The following SEZ6 variants were observed in gnomAD, a reference collection of about 807,000 sequenced individuals.
SEZ6 encodes seizure related 6 homolog.
Under a neutral mutation model 101.0 loss-of-function variants are expected in SEZ6, and 53 were observed. The ratio of observed to expected loss-of-function variants is 0.52; its 90% CI spans 0.42 to 0.66. The LOEUF is 0.66. Among genes scored for constraint, SEZ6 ranks in the 30% least tolerant of loss-of-function variants. SEZ6 has a pLI of 0.00. For synonymous variants in SEZ6, 488 were observed against 512.2 expected, an observed-to-expected ratio of 0.95 and a Z score of 0.64; for missense variants, 1,102 against 1,289.4, an observed-to-expected ratio of 0.85 and a Z score of 2.23.
At chr17:28,964,525 A>G (rs2041032683) in intron 4 of SEZ6, among the ~76,000 whole-genome samples, 2 of 152,216 alleles carry the variant, frequency 1.3e-5, no homozygotes, top group Admixed American at 6.5e-5. Context: ...CTAGCTTGGT[A>G]TCTCTGGTAC....
At chr17:28,966,902 G>T (rs2041078481) in intron 4 of SEZ6, among the ~76,000 whole-genome samples, 1 of 152,190 alleles carries the variant, frequency 6.6e-6, no homozygotes, top group African/African-American at 2.4e-5. Flanking sequence ...TGGGGCTCTG[G>T]AGAGAATGGT....
intron 2 of SEZ6, among the ~76,000 whole-genome samples, chr17:28,980,742 G>A (rs912397070): frequency 1.3e-5 from 2 of 152,136 alleles, no homozygotes; most frequent in Non-Finnish European, 2.9e-5. Context: ...GATGTCAGGT[G>A]ATCCACCTGC....
In SEZ6 at chr17:28,964,098, C is replaced by A; in HGVS notation, c.1104G>T (p.Val368=). 1 of 1,605,050 alleles carries A rather than the reference C, an allele frequency of 6.2e-7. No individual in the cohort carries two copies. The highest frequency in any genetic ancestry group is 8.5e-7 in the Non-Finnish European group (1 of 1,175,750). ...CCCCTGGGTGGAGGCTGGTGACAGT[C>A]ACATCTCCATAAGCTGGACGACGGG... ...HFPRRPAYGD[V]TVTSLHPGGS... is the part of the protein sequence containing the mutation. Residue 368 remains valine (V), a synonymous_variant, in exon 5 of 17, where the codon GTG becomes GTT. Transcript: ENST00000317338.
At chr17:28,994,521 G>C (rs531104358) in intron 1 of SEZ6, among the ~76,000 whole-genome samples, 1 of 152,084 alleles carries the variant, frequency 6.6e-6, no homozygotes, top group Non-Finnish European at 1.5e-5. Flanking sequence ...TGATCCGCCC[G>C]CCTCAGCCTC....
rs754586971 is a variant in SEZ6, at chr17:28,956,216, G to A, written c.2895C>T (p.Arg965=). 91 of 546,170 alleles carry A rather than the reference G, an allele frequency of 1.7e-4. 1 individual carries two copies. The highest frequency in any genetic ancestry group is 1.1e-3 in the Middle Eastern group (3 of 2,706). 33.8% of individuals were successfully genotyped at this position (546,170 alleles called of 1,614,324 possible). A position where few individuals can be genotyped will look rare whatever the true frequency, so the allele number is the denominator to read the frequency against. The stretch of plus-strand genomic sequence containing the variant: ...ACTCTATGGTAATGCGGTTGTAGGG[G>A]CGGGGGCGGGGGCGGGGCAGCTGCA... The part of the protein sequence containing the change: ...SSLQLPRPRP[R]PYNRITIESA... Residue 965 remains arginine, a synonymous_variant, in exon 16 of 17, where the codon CGC becomes CGT. Coordinates refer to ENST00000317338, the MANE Select transcript of SEZ6 (RefSeq NM_178860.5).
intron 1 of SEZ6, among the ~76,000 whole-genome samples, chr17:28,995,753 C>T (rs1485929765): frequency 2.0e-5 from 3 of 152,190 alleles, no homozygotes; most frequent in Admixed American, 6.5e-5. Context: ...AGAGCAGCTG[C>T]AGCTGGTGGT....
chr17:28,963,990 G>C lies in SEZ6; in HGVS notation c.1212C>G (p.Phe404Leu). 1 of 1,612,370 alleles carries C rather than the reference G, an allele frequency of 6.2e-7. No individual in the cohort carries two copies. The highest frequency in any genetic ancestry group is 8.5e-7 in the Non-Finnish European group (1 of 1,179,216). The change falls in exon 5 of 17, where the codon TTC (phenylalanine) becomes TTG (leucine). Residue 404 changes from phenylalanine (F) to leucine (L), a missense_variant. Phe to Leu is a conservative substitution (Grantham distance 22). Transcript: ENST00000317338. ...HLTCLNATQP[F>L]WDSKEPVCIA... is the part of the protein sequence containing the mutation. ...TGCAGACGGGCTCCTTTGAATCCCAGAAGGGCTGGGTGGCATTGAGACAGG... is the reference window on the plus strand; with the variant it reads ...TGCAGACGGGCTCCTTTGAATCCCACAAGGGCTGGGTGGCATTGAGACAGG...
intron 1 of SEZ6, among the ~76,000 whole-genome samples, chr17:28,998,634 C>G (rs1158218178): frequency 6.6e-6 from 1 of 152,074 alleles, no homozygotes; most frequent in Non-Finnish European, 1.5e-5. Context: ...ACCAGAAGTC[C>G]CCCCTACCCC....
In SEZ6 at chr17:29,005,795, C is replaced by T. The variant is rs2041681342; in HGVS notation, c.55+20G>A. ...CCCGCTCCCGCCCCCGTCCTGCCGC[C>T]GGATGCCGGGGTCCCTTACCGTGAG... On this transcript the variant is annotated intron_variant, in intron 1 of 16. Coordinates refer to ENST00000317338, the MANE Select transcript of SEZ6 (RefSeq NM_178860.5). The surrounding 1 kb of genome is among the most constrained non-coding windows in gnomAD (Gnocchi z 4.8). The T allele has an allele frequency of 6.7e-7, 1 of 1,481,900 alleles. No individual in the cohort carries two copies. The highest frequency in any genetic ancestry group is 9.0e-7 in the Non-Finnish European group (1 of 1,116,126). The allele number at this position is 1,481,900 out of a possible 1,614,324, so 91.8% of individuals were successfully genotyped here.
At chr17:28,957,756 T>C in intron 11 of SEZ6, 191 bp downstream of exon 11, 2 of 844,300 alleles carry the variant, frequency 2.4e-6, no homozygotes, top group South Asian at 3.7e-5. Flanking sequence ...AGGAATGAAA[T>C]ACTTAGAGTA....
intron 1 of SEZ6, among the ~76,000 whole-genome samples, chr17:28,996,310 A>G (rs1029464342): frequency 1.3e-5 from 2 of 152,006 alleles, no homozygotes; most frequent in African/African-American, 4.8e-5. Flanking sequence ...GGCAGGCAGG[A>G]GGAATGAGCT....
At chr17:29,000,869 A>G (rs550521848) in intron 1 of SEZ6, among the ~76,000 whole-genome samples, 2 of 152,244 alleles carry the variant, frequency 1.3e-5, no homozygotes, top group East Asian at 3.9e-4. Context: ...ACCTCTGCCA[A>G]TACCCACCTG....
rs562051189 is a variant in SEZ6, at chr17:28,984,324, G to A, written c.56-2285C>T. Among the ~76,000 whole-genome samples, 10 of 152,318 alleles carry A rather than the reference G, an allele frequency of 6.6e-5. No homozygotes were observed. In the South Asian group the frequency reaches 1.2e-3, roughly 19 times the overall value. On this transcript the variant is annotated intron_variant, in intron 1 of 16. Transcript: ENST00000317338. ...AAGCTGAGACTGATTCTAGCATGGC[G>A]CAAGGAAGGGGGGCTTTTCTAATCA...
rs1383292437 is a variant in SEZ6, at chr17:28,957,423, C to CCGT, written c.2418_2419insACG (p.Met806_Gly807insThr). ...TCATGGCAGGTGAGGATGGAGCTGC[C>CCGT]CATCAGCACAAAACCCTGGTCACAG... On this transcript the variant is annotated inframe_insertion, in exon 12 of 17. Transcript: ENST00000317338. 1 of 1,613,658 alleles carries CCGT rather than the reference C, an allele frequency of 6.2e-7. No individual in the cohort carries two copies. The highest frequency in any genetic ancestry group is 8.5e-7 in the Non-Finnish European group (1 of 1,179,732).
At chr17:28,958,268 G>A (rs1481429054) in intron 10 of SEZ6, 127 bp from the exon 11 acceptor site, 2 of 1,076,702 alleles carry the variant, frequency 1.9e-6, no homozygotes, top group African/African-American at 1.6e-5. Context: ...CGGGCTCAGG[G>A]ATCCATTCCT....
chr17:29,002,995 A>G (rs1451153313), intron 1 of SEZ6, among the ~76,000 whole-genome samples: 1 of 152,028 alleles, frequency 6.6e-6, no homozygotes, highest in Non-Finnish European at 1.5e-5. Context: ...AGAGAGGTGG[A>G]GCAGCAGGTC....
At chr17:28,986,054 C>A (rs900457510) in intron 1 of SEZ6, among the ~76,000 whole-genome samples, 2 of 152,252 alleles carry the variant, frequency 1.3e-5, no homozygotes, top group Admixed American at 6.5e-5. Flanking sequence ...AACTTCCCAG[C>A]GCCTGCCGCC....
intron 3 of SEZ6, among the ~76,000 whole-genome samples, chr17:28,972,102 C>A (rs1018314516): frequency 2.0e-5 from 3 of 152,262 alleles, no homozygotes; most frequent in Non-Finnish European, 4.4e-5. Flanking sequence ...TTCCCTTCTT[C>A]CCCTCCTGGT....
intron 1 of SEZ6, among the ~76,000 whole-genome samples, chr17:28,986,805 T>G (rs181148610): frequency 3.9e-5 from 6 of 152,298 alleles, no homozygotes; most frequent in Admixed American, 3.9e-4. Context: ...TGCTCATCTG[T>G]GGAGTGAAGA....
Sources: allele counts gnomAD v4.1 joint callset (sites outside exome capture counted in the v4.1 genomes callset), GRCh38; gene constraint gnomAD v4.1.1; non-coding constraint Gnocchi (gnomAD v3.1); transcripts MANE v1.5; gene names NCBI Gene and HGNC (gene_info 2026-07-23, HGNC 2026-07-21).